DYSF: variants seen among roughly 807,000 people sequenced by gnomAD.
The protein encoded by DYSF is dystrophy-associated fer-1-like 1.
A neutral mutation model predicts 274.9 loss-of-function variants in DYSF; 212 were observed. That is an observed-to-expected ratio of 0.77 (90% CI 0.69 to 0.86). The LOEUF (loss-of-function observed/expected upper bound fraction) is 0.86. Among genes scored for constraint, DYSF ranks in the 40% least tolerant of loss-of-function variants. DYSF has a pLI of 0.00. For synonymous variants in DYSF, 1,091 were observed against 1,078.7 expected, an observed-to-expected ratio of 1.01 and a Z score of -0.22; for missense variants, 2,666 against 2,783.2, an observed-to-expected ratio of 0.96 and a Z score of 0.95.
chr2:71,596,100 T>C lies in DYSF; in HGVS notation c.3575-2464T>C, dbSNP rs547692351. Among the ~76,000 whole-genome samples the C allele has an allele frequency of 1.2e-4, 18 of 151,246 alleles. No homozygotes were observed. In the East Asian group the frequency reaches 3.5e-3, roughly 30 times the overall value. On this transcript the variant is annotated intron_variant, in intron 32 of 55. Coordinates refer to ENST00000410020, the MANE Select transcript of DYSF (RefSeq NM_001130987.2). ...GTCTGAGGCCCCAGGCCTCCAGGCC[T>C]GCTCTTTACAATGCCTTTGTTGTGT... is the stretch of plus-strand genomic sequence containing the variant.
At chr2:71,657,307 C>A (rs1378225069) in intron 43 of DYSF, among the ~76,000 whole-genome samples, 1 of 152,100 alleles carries the variant, frequency 6.6e-6, no homozygotes, top group African/African-American at 2.4e-5. Flanking sequence ...TGGTCTTGGG[C>A]AGCTCTGCCT....
chr2:71,575,352 G>A (rs1295846169), intron 30 of DYSF, among the ~76,000 whole-genome samples: 6 of 152,166 alleles, frequency 3.9e-5, no homozygotes, highest in African/African-American at 1.2e-4. Context: ...GAAGCTCTCT[G>A]GGGGCCTGAG....
upstream of DYSF, among the ~76,000 whole-genome samples, chr2:71,466,349 A>G (rs377160601): frequency 1.2e-3 from 188 of 151,980 alleles, no homozygotes; most frequent in African/African-American, 4.3e-3. Context: ...CCTCCTTCTC[A>G]CCCTTTCGTC....
intron 1 of DYSF, among the ~76,000 whole-genome samples, chr2:71,470,769 C>CTTCA (rs1211896356): frequency 1.1e-4 from 16 of 140,134 alleles, no homozygotes; most frequent in African/African-American, 4.3e-4. Context: ...TCCTTCCTTC[C>CTTCA]TTCCTTCCTT....
intron 12 of DYSF, among the ~76,000 whole-genome samples, chr2:71,523,543 CTTTTTTTTTTTTT>C (rs10718722): frequency 1.0e-5 from 1 of 96,362 alleles, no homozygotes; most frequent in African/African-American, 4.2e-5. Context: ...CACCAGTCAT[CTTTTTTTTTTTTT>C]TTTTTTTTGA....
intron 1 of DYSF, among the ~76,000 whole-genome samples, chr2:71,470,307 T>G (rs983369228): frequency 6.6e-6 from 1 of 152,320 alleles, no homozygotes; most frequent in Middle Eastern, 3.4e-3. Flanking sequence ...AACTCACCTA[T>G]GTAGGGAAAG....
At chr2:71,542,895 G>T (rs935280272) in intron 17 of DYSF, among the ~76,000 whole-genome samples, 1 of 152,172 alleles carries the variant, frequency 6.6e-6, no homozygotes, top group Admixed American at 6.5e-5. Context: ...GGTACACCTC[G>T]CAGATGGGGT....
In DYSF at chr2:71,553,099, A is replaced by G; in HGVS notation, c.1895A>G (p.Glu632Gly). Residue 632 changes from glutamate to glycine, a missense_variant, in exon 20 of 56, where the codon GAG becomes GGG. Around this residue, in one of 3 missense-constraint regions of DYSF, gnomAD observed 412 missense variants for 504.0 expected, o/e 0.82. Transcript: ENST00000410020. ...GATGTGGATGATGCCATCCAGTTTG[A>G]GGTCAGCATCGGGAACTACGGGAAC... ...LQDVDDAIQF[E>G]VSIGNYGNKF... 1 of 1,614,116 alleles carries G rather than the reference A, an allele frequency of 6.2e-7. No homozygotes were observed. The highest frequency in any genetic ancestry group is 8.5e-7 in the Non-Finnish European group (1 of 1,180,022).
intron 36 of DYSF, among the ~76,000 whole-genome samples, chr2:71,604,999 T>C (rs1275309255): frequency 6.6e-6 from 1 of 152,220 alleles, no homozygotes; most frequent in Non-Finnish European, 1.5e-5. Flanking sequence ...GACACCTCTC[T>C]CTGCAGCTCT....
Position 71,592,738 on chromosome 2 carries a change from C to T in DYSF, c.3574+2450C>T, listed in dbSNP as rs994486233. ...CTCTCCCAGTGCCTCTGACCTGTGG[C>T]TCTCTGGGCCTTTCCCCGGGGGCTC... On this transcript the variant is annotated intron_variant, in intron 32 of 55. Transcript: ENST00000410020. Among the ~76,000 whole-genome samples the T allele has an allele frequency of 2.6e-5, 4 of 152,230 alleles. No individual in the cohort carries two copies. The East Asian group carries it at 7.7e-4, about 29-fold the overall frequency.
At chr2:71,466,129 C>T (rs960765615), upstream of DYSF, among the ~76,000 whole-genome samples, 1 of 152,156 alleles carries the variant, frequency 6.6e-6, no homozygotes, top group Non-Finnish European at 1.5e-5. Flanking sequence ...CCAGAACGGC[C>T]ACCTAGACAG....
intron 55 of DYSF, among the ~76,000 whole-genome samples, chr2:71,685,466 A>G (rs2095345619): frequency 6.6e-6 from 1 of 152,142 alleles, no homozygotes; most frequent in African/African-American, 2.4e-5. Context: ...TCACTCATTC[A>G]TTTGGCCAGT....
rs185812098 is a variant in DYSF, at chr2:71,527,809, T to C, written c.1277-489T>C. On this transcript the variant is annotated intron_variant, in intron 13 of 55. Transcript: ENST00000410020. ...TATCTACATATATAAATAATCTGGCTGATTCAAAAAATAATGGTTTGGGGC... is the reference window on the plus strand; with the variant it reads ...TATCTACATATATAAATAATCTGGCCGATTCAAAAAATAATGGTTTGGGGC... Among the ~76,000 whole-genome samples, 26 of 152,232 alleles carry C rather than the reference T, an allele frequency of 1.7e-4. No homozygotes were observed. In the East Asian group the frequency reaches 5.0e-3, roughly 29 times the overall value.
rs375175060 is a variant in DYSF, at chr2:71,668,597, G to T, written c.5458-157G>T. 1.3e-4 allele frequency among the ~76,000 whole-genome samples: 20 copies of T among 152,272 alleles called. No individual in the cohort carries two copies. The highest frequency in any genetic ancestry group is 2.1e-4 in the Non-Finnish European group (14 of 68,020). ...CCTGTGGGGCAGTGGTCACCTCTGC[G>T]GTTGACCCTGTAGTCCCCTGTTTAG... On this transcript the variant is annotated intron_variant, in intron 48 of 55. Coordinates refer to ENST00000410020, the MANE Select transcript of DYSF (RefSeq NM_001130987.2).
chr2:71,592,173 T>C (rs1481738867), intron 32 of DYSF, among the ~76,000 whole-genome samples: 1 of 152,104 alleles, frequency 6.6e-6, no homozygotes, highest in Admixed American at 6.5e-5. Flanking sequence ...GAAGCCCCCT[T>C]GTCCTCTGTG....
At chr2:71,455,525 T>C (rs898153352) in intron 1 of DYSF, among the ~76,000 whole-genome samples, 12 of 152,242 alleles carry the variant, frequency 7.9e-5, no homozygotes, top group African/African-American at 2.9e-4. Context: ...CATGGGAGTC[T>C]TTCATGCTTC....
intron 32 of DYSF, among the ~76,000 whole-genome samples, chr2:71,593,663 C>T (rs561273958): frequency 7.9e-5 from 12 of 152,222 alleles, no homozygotes; most frequent in Non-Finnish European, 1.0e-4. Flanking sequence ...ATTGGTGTTT[C>T]TCACAGGGAA....
intron 30 of DYSF, among the ~76,000 whole-genome samples, chr2:71,587,320 G>C (rs1430138644): frequency 1.3e-5 from 2 of 152,214 alleles, no homozygotes; most frequent in African/African-American, 2.4e-5. Context: ...GAGCGAGAGA[G>C]GGGGAAAGAA....
intron 41 of DYSF, among the ~76,000 whole-genome samples, chr2:71,629,970 C>A (rs1373897903): frequency 6.6e-6 from 1 of 152,136 alleles, no homozygotes; most frequent in Non-Finnish European, 1.5e-5. Context: ...TACACATGAG[C>A]CATTTGTTTT....
Sources: allele counts gnomAD v4.1 joint callset (sites outside exome capture counted in the v4.1 genomes callset), GRCh38; gene constraint gnomAD v4.1.1; regional missense constraint gnomAD v4.1.1; transcripts MANE v1.5; gene names NCBI Gene and HGNC (gene_info 2026-07-23, HGNC 2026-07-21).